Variants in HECW2 observed in about 807,000 individuals in gnomAD.
HECW2 encodes HECT, C2 and WW domain containing E3 ubiquitin protein ligase 2, also known as E3 ubiquitin-protein ligase HECW2.
In HECW2, 61 loss-of-function variants were observed where a neutral mutation model predicts 175.2. The observed-to-expected ratio is 0.35, with a 90% CI of 0.28 to 0.43. The LOEUF (loss-of-function observed/expected upper bound fraction) is 0.43. HECW2 is among the 20% of genes least tolerant of loss of function. HECW2 has a pLI of 1.00. For missense variants in HECW2, 1,524 were observed against 2,000.5 expected (o/e 0.76, Z 4.54); for synonymous variants, 671 against 731.0 (o/e 0.92, Z 1.32).
intron 2 of HECW2, among the ~76,000 whole-genome samples, chr2:196,430,390 C>A (rs1695674561): frequency 6.6e-6 from 1 of 151,458 alleles, no homozygotes; most frequent in Non-Finnish European, 1.5e-5. Context: ...AAAGTGCTAG[C>A]TATGCAAAGA....
intron 1 of HECW2, among the ~76,000 whole-genome samples, chr2:196,585,756 A>C (rs553334406): frequency 6.6e-6 from 1 of 152,272 alleles, no homozygotes; most frequent in Non-Finnish European, 1.5e-5. Context: ...GGTATCCAAT[A>C]CCACTATAAG....
chr2:196,474,641 G>T (rs189968632), intron 1 of HECW2, among the ~76,000 whole-genome samples: 9 of 152,278 alleles, frequency 5.9e-5, no homozygotes, highest in Admixed American at 5.2e-4. Context: ...AGCTCTATAT[G>T]TGCAAAGCTT....
intron 3 of HECW2, among the ~76,000 whole-genome samples, chr2:196,337,094 A>C (rs888597418): frequency 6.6e-6 from 1 of 152,196 alleles, no homozygotes; most frequent in Admixed American, 6.5e-5. Flanking sequence ...ATGTTATTTA[A>C]TGTTTTAGAA....
chr2:196,554,916 C>G (rs190851092), intron 1 of HECW2, among the ~76,000 whole-genome samples: 1 of 152,276 alleles, frequency 6.6e-6, no homozygotes, highest in East Asian at 1.9e-4. Flanking sequence ...ACCAAAAAAT[C>G]CCTGCACGGG....
At chr2:196,357,618 C>A (rs963043055) in intron 2 of HECW2, among the ~76,000 whole-genome samples, 14 of 152,176 alleles carry the variant, frequency 9.2e-5, no homozygotes, top group Non-Finnish European at 1.9e-4. Flanking sequence ...TGTCCCTACC[C>A]AAATTACCAA....
chr2:196,234,401 C>T (rs62184578), intron 21 of HECW2, among the ~76,000 whole-genome samples: 83,128 of 151,736 alleles, frequency 0.55, 24,455 homozygotes, highest in Non-Finnish European at 0.66. Flanking sequence ...GATCCTCCTG[C>T]CTCAGCCTCC....
intron 10 of HECW2, among the ~76,000 whole-genome samples, chr2:196,312,135 T>C (rs1691519964): frequency 6.6e-6 from 1 of 151,002 alleles, no homozygotes; most frequent in South Asian, 2.1e-4. Flanking sequence ...GACCTCGGTC[T>C]CCACTGGACC....
intron 23 of HECW2, among the ~76,000 whole-genome samples, chr2:196,225,091 C>T (rs1687802051): frequency 6.6e-6 from 1 of 152,208 alleles, no homozygotes; most frequent in African/African-American, 2.4e-5. Flanking sequence ...TACTATCCCA[C>T]AGACAGTTGT....
intron 1 of HECW2, among the ~76,000 whole-genome samples, chr2:196,448,316 C>T (rs908905510): frequency 1.3e-5 from 2 of 152,146 alleles, no homozygotes; most frequent in African/African-American, 4.8e-5. Flanking sequence ...TCCCTCACTC[C>T]CATGTTATCA....
chr2:196,405,044 G>A (rs1284546317), intron 2 of HECW2, among the ~76,000 whole-genome samples: 1 of 150,936 alleles, frequency 6.6e-6, no homozygotes, highest in African/African-American at 2.4e-5. Context: ...TGTTAGCCAG[G>A]ATGGTCTCAA....
At chr2:196,547,119 C>G (rs149684939) in intron 1 of HECW2, among the ~76,000 whole-genome samples, 11 of 152,152 alleles carry the variant, frequency 7.2e-5, no homozygotes, top group Non-Finnish European at 1.6e-4. Flanking sequence ...TAGTAAAGAG[C>G]TGAGGTTCTC....
At chr2:196,225,924 G>T in intron 22 of HECW2, 54 bp from the exon 23 acceptor site, 1 of 1,096,198 alleles carries the variant, frequency 9.1e-7, no homozygotes, top group Non-Finnish European at 1.4e-6. Context: ...TTTCTAGGTG[G>T]TTCCATATGC....
At chr2:196,231,458 T>C (rs1241665001) in intron 21 of HECW2, among the ~76,000 whole-genome samples, 2 of 152,236 alleles carry the variant, frequency 1.3e-5, no homozygotes, top group Non-Finnish European at 2.9e-5. Flanking sequence ...TTGGCAAACC[T>C]GCAGGTCCAA....
At chr2:196,461,925 A>T (rs1283833646) in intron 1 of HECW2, among the ~76,000 whole-genome samples, 1 of 152,192 alleles carries the variant, frequency 6.6e-6, no homozygotes. Flanking sequence ...GCCAAACCAT[A>T]TCACTTATGT....
At chr2:196,281,705 GA>G (rs925028851) in intron 14 of HECW2, among the ~76,000 whole-genome samples, 12 of 149,942 alleles carry the variant, frequency 8.0e-5, no homozygotes, top group African/African-American at 1.5e-4. Context: ...AGATTTGGGG[GA>G]AAAAAATGAG....
intron 1 of HECW2, among the ~76,000 whole-genome samples, chr2:196,572,448 G>A (rs1690420738): frequency 6.6e-6 from 1 of 152,134 alleles, no homozygotes; most frequent in African/African-American, 2.4e-5. Context: ...CTCCCAAAGT[G>A]CTAGGATTAC....
rs376714636 is a variant in HECW2, at chr2:196,212,825, A to G, written c.4607+3040T>C. Reference sequence around the variant, plus strand: ...ATACTCCCACCAATAGTGTATAAGCATTCCCTTTTCTCTGCAACCTTACCA... The same window carrying G: ...ATACTCCCACCAATAGTGTATAAGCGTTCCCTTTTCTCTGCAACCTTACCA... On this transcript the variant is annotated intron_variant, in intron 28 of 28. Coordinates refer to ENST00000644978, the MANE Select transcript of HECW2 (RefSeq NM_001348768.2). Among the ~76,000 whole-genome samples, 14 of 152,322 alleles carry G rather than the reference A, an allele frequency of 9.2e-5. No individual in the cohort carries two copies. In the East Asian group the frequency reaches 1.7e-3, roughly 19 times the overall value.
chr2:196,518,558 G>A (rs1335675452), intron 1 of HECW2, among the ~76,000 whole-genome samples: 1 of 147,134 alleles, frequency 6.8e-6, no homozygotes, highest in Non-Finnish European at 1.5e-5. Flanking sequence ...GGGAGGCGGA[G>A]ACAGAAGAAT....
intron 1 of HECW2, among the ~76,000 whole-genome samples, chr2:196,531,939 A>T (rs1351416086): frequency 6.6e-6 from 1 of 152,194 alleles, no homozygotes; most frequent in Non-Finnish European, 1.5e-5. Flanking sequence ...TAGTTTTCTA[A>T]AAGTCTCAAA....
Sources: allele counts gnomAD v4.1 joint callset (sites outside exome capture counted in the v4.1 genomes callset), GRCh38; gene constraint gnomAD v4.1.1; transcripts MANE v1.5; gene names NCBI Gene and HGNC (gene_info 2026-07-23, HGNC 2026-07-21).